NFIB: variants seen among roughly 807,000 people sequenced by gnomAD.
NFIB encodes the protein nuclear factor 1 B-type.
Under a neutral mutation model 61.5 loss-of-function variants are expected in NFIB, and 11 were observed. That is an observed-to-expected ratio of 0.18 (90% CI 0.11 to 0.30). The LOEUF is 0.30. Ranked by LOEUF, NFIB falls within the 10% of genes least tolerant of loss-of-function variation. The pLI is 1.00. For missense variants in NFIB, 471 were observed against 608.9 expected, an observed-to-expected ratio of 0.77 and a Z score of 2.38; for synonymous variants, 260 against 216.5, an observed-to-expected ratio of 1.20 and a Z score of -1.76.
chr9:14,440,961 A>C, the NFIB span, among the ~76,000 whole-genome samples: 1 of 152,202 alleles, frequency 6.6e-6, no homozygotes, highest in African/African-American at 2.4e-5. Flanking sequence ...AATTTTTCTT[A>C]CTATTATCAT....
the NFIB span, among the ~76,000 whole-genome samples, chr9:14,496,237 T>C: frequency 6.6e-6 from 1 of 152,248 alleles, no homozygotes; most frequent in Non-Finnish European, 1.5e-5. Context: ...ATCTTGGGGA[T>C]GGAACCCATA....
intron 2 of NFIB, among the ~76,000 whole-genome samples, chr9:14,218,806 C>T (rs1241174066): frequency 6.6e-6 from 1 of 152,186 alleles, no homozygotes; most frequent in Non-Finnish European, 1.5e-5. Context: ...AACTTTTAGC[C>T]TTGTTAAGTC....
At chr9:14,420,341 G>A in the NFIB span, among the ~76,000 whole-genome samples, 1 of 150,960 alleles carries the variant, frequency 6.6e-6, no homozygotes, top group Admixed American at 6.6e-5. Context: ...AGCTTCTTGG[G>A]AGGCTGAGAG....
At chr9:14,312,431 T>A (rs148097119) in intron 1 of NFIB, among the ~76,000 whole-genome samples, 1 of 152,330 alleles carries the variant, frequency 6.6e-6, no homozygotes, top group East Asian at 1.9e-4. Flanking sequence ...TGGTGACACA[T>A]CTTCCGAAAA....
At chr9:14,480,282 A>C in the NFIB span, among the ~76,000 whole-genome samples, 1 of 152,044 alleles carries the variant, frequency 6.6e-6, no homozygotes, top group African/African-American at 2.4e-5. Context: ...TGAATCTAAC[A>C]CTTCTTGACT....
At chr9:14,153,565 C>G (rs866250274) in intron 4 of NFIB, among the ~76,000 whole-genome samples, 1 of 152,104 alleles carries the variant, frequency 6.6e-6, no homozygotes, top group South Asian at 2.1e-4. Flanking sequence ...TTGTTCTCCT[C>G]ACTCCAAAAG....
the NFIB span, among the ~76,000 whole-genome samples, chr9:14,447,091 T>C: frequency 7.9e-5 from 12 of 152,292 alleles, no homozygotes; most frequent in African/African-American, 2.9e-4. Flanking sequence ...AAGAATCTTA[T>C]ATTTCATAGG....
chr9:14,451,057 C>T, the NFIB span, among the ~76,000 whole-genome samples: 11 of 152,302 alleles, frequency 7.2e-5, no homozygotes, highest in African/African-American at 2.4e-4. Context: ...GGTGCTGGCA[C>T]CACATTACCT....
At chr9:14,515,361 C>A in the NFIB span, among the ~76,000 whole-genome samples, 3 of 152,284 alleles carry the variant, frequency 2.0e-5, no homozygotes, top group Admixed American at 1.3e-4. Context: ...CAGACCTGAG[C>A]TCTCCGAGTT....
chr9:14,468,362 T>C, the NFIB span, among the ~76,000 whole-genome samples: 61 of 152,342 alleles, frequency 4.0e-4, no homozygotes, highest in East Asian at 6.4e-3. Flanking sequence ...TGATATGATC[T>C]AAGGCATTCA....
At chr9:14,455,845 T>G in the NFIB span, among the ~76,000 whole-genome samples, 1 of 152,296 alleles carries the variant, frequency 6.6e-6, no homozygotes, top group South Asian at 2.1e-4. Context: ...AAAAAAGAAT[T>G]ATGAGATATT....
At chr9:14,518,141 T>A in the NFIB span, among the ~76,000 whole-genome samples, 20 of 152,260 alleles carry the variant, frequency 1.3e-4, no homozygotes, top group African/African-American at 4.6e-4. Context: ...TTTGGGTCTA[T>A]ATGCCATTGG....
At chr9:14,515,605 G>A in the NFIB span, among the ~76,000 whole-genome samples, 1 of 152,132 alleles carries the variant, frequency 6.6e-6, no homozygotes, top group Non-Finnish European at 1.5e-5. Context: ...GCCCAGGAAT[G>A]TGAGTTTGTG....
At chr9:14,375,227 C>T (rs2061404192) in intron 1 of NFIB, among the ~76,000 whole-genome samples, 1 of 152,216 alleles carries the variant, frequency 6.6e-6, no homozygotes, top group Admixed American at 6.5e-5. Flanking sequence ...TTCTATCTCT[C>T]TGCTCTTCCA....
Position 14,144,440 on chromosome 9 carries a change from G to C in NFIB, c.925+2249C>G, listed in dbSNP as rs1388443358. ...GTAAAACAAGCAATAAAATATAAAG[G>C]GTTGAGGGTTTTGTTTTTCGTTTCA... On this transcript the variant is annotated intron_variant, in intron 6 of 10. Coordinates refer to ENST00000380953, the MANE Select transcript of NFIB (RefSeq NM_001190737.2). 3.3e-5 allele frequency among the ~76,000 whole-genome samples: 5 copies of C among 152,220 alleles called. No homozygotes were observed. The East Asian group carries it at 5.8e-4, about 18-fold the overall frequency.
At chr9:14,246,811 T>A (rs1361221187) in intron 2 of NFIB, among the ~76,000 whole-genome samples, 1 of 152,176 alleles carries the variant, frequency 6.6e-6, no homozygotes, top group African/African-American at 2.4e-5. Flanking sequence ...ACTGTGTCCC[T>A]GAAAATGCAT....
rs551458518 is a variant in NFIB, at chr9:14,233,951, T to C, written c.563-54171A>G. 2.6e-4 allele frequency among the ~76,000 whole-genome samples: 39 copies of C among 152,342 alleles called. No homozygotes were observed. In the South Asian group the frequency reaches 7.0e-3, roughly 27 times the overall value. On this transcript the variant is annotated intron_variant, in intron 2 of 10. Coordinates refer to ENST00000380953, the MANE Select transcript of NFIB (RefSeq NM_001190737.2). ...AAATTTTTGTTTAATTTATATAACA[T>C]CTTACTTATAGATGCTTTACTTATA...
At chr9:14,523,121 C>T in the NFIB span, among the ~76,000 whole-genome samples, 1 of 151,976 alleles carries the variant, frequency 6.6e-6, no homozygotes, top group Non-Finnish European at 1.5e-5. Flanking sequence ...CCAGAGTACT[C>T]TCTCAAATTT....
intron 3 of NFIB, among the ~76,000 whole-genome samples, chr9:14,178,690 C>T (rs1412529094): frequency 2.0e-5 from 3 of 152,038 alleles, no homozygotes; most frequent in Admixed American, 2.0e-4. Flanking sequence ...TGTATATCTA[C>T]TTGCTGTATC....
Sources: allele counts gnomAD v4.1 joint callset (sites outside exome capture counted in the v4.1 genomes callset), GRCh38; gene constraint gnomAD v4.1.1; transcripts MANE v1.5; gene names NCBI Gene and HGNC (gene_info 2026-07-23, HGNC 2026-07-21).